Variants in FRMPD4 observed in about 807,000 individuals in gnomAD.
The protein encoded by FRMPD4 is FERM and PDZ domain-containing protein 4.
In FRMPD4, 22 loss-of-function variants were observed where a neutral mutation model predicts 94.1. The observed-to-expected ratio is 0.23, with a 90% CI of 0.17 to 0.33. The LOEUF is 0.33. Ranked by LOEUF, FRMPD4 falls within the 10% of genes least tolerant of loss-of-function variation. The pLI is 1.00. For missense variants in FRMPD4, 1,111 were observed against 1,339.9 expected (o/e 0.83, Z 2.67); for synonymous variants, 631 against 548.6 (o/e 1.15, Z -2.10).
intron 1 of FRMPD4, among the ~76,000 whole-genome samples, chrX:12,411,369 A>T (rs1300734639): frequency 8.9e-6 from 1 of 112,010 alleles, no homozygotes; most frequent in Non-Finnish European, 1.9e-5. Flanking sequence ...TGCAATTCAC[A>T]CCCCACTGCT....
At chrX:12,208,190 A>G (rs943656807) in intron 1 of FRMPD4, among the ~76,000 whole-genome samples, 1 of 111,668 alleles carries the variant, frequency 9.0e-6, no homozygotes, top group African/African-American at 3.3e-5. Context: ...TTCACAGTCT[A>G]TACAACGTAT....
chrX:12,401,112 T>G (rs1413023807), intron 1 of FRMPD4, among the ~76,000 whole-genome samples: 1 of 111,459 alleles, frequency 9.0e-6, no homozygotes, highest in Admixed American at 9.5e-5. Flanking sequence ...ATCAGTTATG[T>G]TATTATTGAG....
At chrX:12,522,594 C>CTTTTTTTTTTTTTTTTT (rs373581040) in intron 2 of FRMPD4, among the ~76,000 whole-genome samples, 1 of 74,548 alleles carries the variant, frequency 1.3e-5, no homozygotes, top group African/African-American at 5.8e-5. Flanking sequence ...TTTTCTTTTC[C>CTTTTTTTTTTTTTTTTT]TTTTTTTTTT....
intron 1 of FRMPD4, among the ~76,000 whole-genome samples, chrX:12,161,687 C>A (rs748319878): frequency 5.4e-5 from 6 of 111,743 alleles, no homozygotes; most frequent in Non-Finnish European, 1.1e-4. Context: ...GAAATTAACG[C>A]CACTAGGATA....
intron 3 of FRMPD4, among the ~76,000 whole-genome samples, chrX:11,884,650 ATAT>A (rs770467551): frequency 9.0e-6 from 1 of 111,683 alleles, no homozygotes; most frequent in South Asian, 3.7e-4. Context: ...ACCAATATTC[ATAT>A]TATAAATTTC....
intron 3 of FRMPD4, among the ~76,000 whole-genome samples, chrX:11,922,992 C>T (rs751420871): frequency 2.0e-4 from 23 of 112,668 alleles, no homozygotes; most frequent in Non-Finnish European, 4.1e-4. Context: ...GGGACCCACA[C>T]CATAACTTCT....
chrX:12,009,503 A>T (rs931100798), intron 3 of FRMPD4, among the ~76,000 whole-genome samples: 3 of 112,524 alleles, frequency 2.7e-5, no homozygotes, highest in Non-Finnish European at 5.6e-5. Flanking sequence ...TGTTATTATT[A>T]CTATTCTGCT....
chrX:12,140,377 G>A (rs1260732324), intron 1 of FRMPD4, among the ~76,000 whole-genome samples: 1 of 112,430 alleles, frequency 8.9e-6, no homozygotes, highest in Non-Finnish European at 1.9e-5. Context: ...TGATTGTGGT[G>A]TGGCCAATTG....
At chrX:12,458,873 C>G (rs1016154863) in intron 1 of FRMPD4, among the ~76,000 whole-genome samples, 18 of 111,113 alleles carry the variant, frequency 1.6e-4, no homozygotes, top group Non-Finnish European at 3.0e-4. Context: ...ATAATGAATA[C>G]AGTGTTCCAA....
At chrX:12,580,916 A>G (rs1382820689) in intron 2 of FRMPD4, among the ~76,000 whole-genome samples, 3 of 112,493 alleles carry the variant, frequency 2.7e-5, no homozygotes, top group African/African-American at 9.7e-5. Context: ...AGAATGGTGT[A>G]CAGGTTAAAA....
chrX:11,962,645 A>G (rs2054289542), intron 3 of FRMPD4, among the ~76,000 whole-genome samples: 3 of 111,733 alleles, frequency 2.7e-5, no homozygotes, highest in Admixed American at 1.9e-4. Flanking sequence ...CTGCATGCTG[A>G]CACCCTGCCT....
chrX:12,123,268 G>A (rs1039013155), intron 3 of FRMPD4, among the ~76,000 whole-genome samples: 5 of 110,279 alleles, frequency 4.5e-5, no homozygotes, highest in African/African-American at 1.6e-4. Context: ...CTCCCAAATA[G>A]CTGGGATTAC....
chrX:12,187,794 C>A (rs2147684474), intron 1 of FRMPD4, among the ~76,000 whole-genome samples: 1 of 111,596 alleles, frequency 9.0e-6, no homozygotes, highest in East Asian at 2.8e-4. Context: ...TATAGATACA[C>A]ATACATTTGT....
rs748805072 is a variant in FRMPD4, at chrX:12,193,774, G to GAAAGAAAGAAAGAAAGAAAGAAAGAAA, written c.41+54762_41+54763insAAAGAAAGAAAGAAAGAAAGAAAGAAA. ...AAACAGAAAGAAAGAAAGAAAGAAA[G>GAAAGAAAGAAAGAAAGAAAGAAAGAAA]GAAGGAAGGAAGGAAGGAAGGAAGG... is the stretch of plus-strand genomic sequence containing the variant. On this transcript the variant is annotated intron_variant, in intron 1 of 16. Transcript: ENST00000675598. 2.9e-3 allele frequency among the ~76,000 whole-genome samples: 72 copies of GAAAGAAAGAAAGAAAGAAAGAAAGAAA among 24,726 alleles called. 5 individuals are homozygous for GAAAGAAAGAAAGAAAGAAAGAAAGAAA. Among genetic ancestry groups the GAAAGAAAGAAAGAAAGAAAGAAAGAAA allele is most frequent in the East Asian group, 0.015 (6 of 395 alleles). 21.5% of individuals were successfully genotyped at this position (24,726 alleles called of 115,157 possible).
intron 1 of FRMPD4, among the ~76,000 whole-genome samples, chrX:12,382,848 T>A (rs1399576870): frequency 8.9e-6 from 1 of 112,217 alleles, no homozygotes; most frequent in Non-Finnish European, 1.9e-5. Flanking sequence ...GAATGGAGGT[T>A]CCCTCCTGGT....
intron 4 of FRMPD4, among the ~76,000 whole-genome samples, chrX:12,634,769 G>A (rs1252303720): frequency 9.2e-6 from 1 of 108,208 alleles, no homozygotes; most frequent in Admixed American, 9.9e-5. Flanking sequence ...TATGTGAGAG[G>A]CCCTTAAAGG....
chrX:12,440,927 G>C (rs759673978), intron 1 of FRMPD4, among the ~76,000 whole-genome samples: 15 of 112,076 alleles, frequency 1.3e-4, no homozygotes, highest in Non-Finnish European at 2.8e-4. Flanking sequence ...TAATTCTTCT[G>C]ATAGTTCTAG....
At position 11,824,954 on chromosome X, in the gene FRMPD4, TAA is replaced by T. The variant is rs200166478; in HGVS notation, c.-161+2252_-161+2253del. On this transcript the variant is annotated intron_variant, in intron 1 of 18. Coordinates refer to the FRMPD4 transcript ENST00000640291. The stretch of plus-strand genomic sequence containing the variant: ...GTGGTGTTTTCTAGTAGAGAATGGT[TAA>T]AAAAAAAAAAAAGTGGTTAAAAATA... Among the ~76,000 whole-genome samples the T allele has an allele frequency of 3.6e-3, 350 of 96,906 alleles. 5 individuals are homozygous for T. Among genetic ancestry groups the T allele is most frequent in the East Asian group, 0.029 (90 of 3,142 alleles). 84.2% of individuals were successfully genotyped at this position (96,906 alleles called of 115,157 possible). A position where few individuals can be genotyped will look rare whatever the true frequency, so the allele number is the denominator to read the frequency against.
chrX:12,131,692 A>G (rs989998919), intron 3 of FRMPD4, among the ~76,000 whole-genome samples: 2 of 112,055 alleles, frequency 1.8e-5, no homozygotes, highest in African/African-American at 3.2e-5. Context: ...CCACAAATCT[A>G]TATTCAAAAG....
Sources: gnomAD v4.1 joint callset for allele counts (sites outside exome capture counted in the v4.1 genomes callset) on GRCh38, gnomAD v4.1.1 for gene constraint, MANE v1.5 for transcripts, NCBI Gene and HGNC (gene_info 2026-07-23, HGNC 2026-07-21) for gene names.